Variants in PDE3A observed in about 807,000 individuals in gnomAD.
PDE3A encodes cGMP-inhibited 3',5'-cyclic phosphodiesterase 3A.
Under a neutral mutation model 98.3 loss-of-function variants are expected in PDE3A, and 43 were observed. The observed-to-expected ratio is 0.44, with a 90% CI of 0.34 to 0.56. The LOEUF is 0.56. PDE3A is among the 20% of genes least tolerant of loss of function. The pLI is 0.01. For missense variants in PDE3A, 1,427 were observed against 1,440.7 expected (o/e 0.99, Z 0.15); for synonymous variants, 663 against 567.9 (o/e 1.17, Z -2.38).
chr12:20,536,228 G>C (rs1239175776), intron 1 of PDE3A, among the ~76,000 whole-genome samples: 1 of 152,026 alleles, frequency 6.6e-6, no homozygotes, highest in Admixed American at 6.5e-5. Flanking sequence ...AAAGAAGTTA[G>C]TTATAATTCC....
chr12:20,501,543 T>G (rs2121084210), intron 1 of PDE3A, among the ~76,000 whole-genome samples: 1 of 152,294 alleles, frequency 6.6e-6, no homozygotes, highest in South Asian at 2.1e-4. Context: ...GGAGTAAAAC[T>G]TTCTATTTAC....
chr12:20,441,724 T>C (rs188854125), intron 1 of PDE3A, among the ~76,000 whole-genome samples: 1 of 152,256 alleles, frequency 6.6e-6, no homozygotes, highest in East Asian at 1.9e-4. Context: ...TCACAGGATG[T>C]TTTTGAGCAG....
intron 1 of PDE3A, among the ~76,000 whole-genome samples, chr12:20,475,723 A>C (rs780996244): frequency 6.6e-6 from 1 of 151,944 alleles, no homozygotes; most frequent in Admixed American, 6.6e-5. Context: ...CACCATACAC[A>C]CACACACACA....
intron 15 of PDE3A, among the ~76,000 whole-genome samples, chr12:20,678,095 A>T (rs1194358759): frequency 6.6e-6 from 1 of 152,076 alleles, no homozygotes; most frequent in Non-Finnish European, 1.5e-5. Flanking sequence ...CCATCACATG[A>T]TTTCCAGGCA....
rs1378401948 is a variant in PDE3A at position 20,369,855 on chromosome 12, G to T, written c.571G>T (p.Ala191Ser). 5 of 1,612,276 alleles carry T rather than the reference G, an allele frequency of 3.1e-6. No homozygotes were observed. The Admixed American group carries it at 6.7e-5, about 22-fold the overall frequency. Residue 191 changes from alanine (A) to serine (S), a missense_variant, in exon 1 of 16, where the codon GCG (alanine) becomes TCG (serine). Ala to Ser is a moderately conservative substitution (Grantham distance 99). Around this residue, in one of 3 missense-constraint regions of PDE3A, gnomAD observed 1,012 missense variants for 886.5 expected, o/e 1.14. Coordinates refer to ENST00000359062, the MANE Select transcript of PDE3A (RefSeq NM_000921.5). ...GEDHLLSLPA[A>S]GVVLSCLAAA... ...GGATCACTTACTCTCACTCCCCGCC[G>T]CGGGGGTGGTGCTCAGCTGCTTGGC...
chr12:20,445,944 C>A (rs1944945959), intron 1 of PDE3A, among the ~76,000 whole-genome samples: 1 of 152,116 alleles, frequency 6.6e-6, no homozygotes, highest in Non-Finnish European at 1.5e-5. Flanking sequence ...ATGACTGACT[C>A]CTTCCTTTCA....
chr12:20,561,011 C>A (rs1942502757), intron 2 of PDE3A, among the ~76,000 whole-genome samples: 1 of 140,886 alleles, frequency 7.1e-6, no homozygotes, highest in Non-Finnish European at 1.5e-5. Flanking sequence ...GCTTGTAATC[C>A]CGGCACTTTG....
chr12:20,659,402 C>A (rs1457836309), intron 15 of PDE3A, among the ~76,000 whole-genome samples: 1 of 152,086 alleles, frequency 6.6e-6, no homozygotes, highest in East Asian at 1.9e-4. Context: ...AGATGACCTC[C>A]AAGTTTCTTT....
rs1555140934 is a variant in PDE3A at position 20,386,088 on chromosome 12, T to TATAAATATATAAATATATAA, written c.960+15845_960+15846insTAAATATATAAATATATAAA. Among the ~76,000 whole-genome samples the TATAAATATATAAATATATAA allele has an allele frequency of 4.7e-4, 16 of 33,754 alleles. 2 individuals carry two copies. The highest frequency in any genetic ancestry group is 2.1e-3 in the Admixed American group (3 of 1,460). 22.1% of individuals were successfully genotyped at this position (33,754 alleles called of 152,430 possible). A position where few individuals can be genotyped will look rare whatever the true frequency, so the allele number is the denominator to read the frequency against. ...TATATATAAAATATATATAAATATA[T>TATAAATATATAAATATATAA]AAATATATATAAATATATATATAAA... On this transcript the variant is annotated intron_variant, in intron 1 of 15. Coordinates refer to ENST00000359062, the MANE Select transcript of PDE3A (RefSeq NM_000921.5).
intron 15 of PDE3A, among the ~76,000 whole-genome samples, chr12:20,678,769 C>G (rs1463842513): frequency 6.6e-6 from 1 of 152,180 alleles, no homozygotes; most frequent in Non-Finnish European, 1.5e-5. Flanking sequence ...AGAAATATCT[C>G]AGGGGAGGAC....
At chr12:20,574,804 TC>T (rs1318423245) in intron 2 of PDE3A, among the ~76,000 whole-genome samples, 2 of 151,990 alleles carry the variant, frequency 1.3e-5, no homozygotes, top group Non-Finnish European at 2.9e-5. Context: ...ATATGTAGCA[TC>T]TTCTAATCTT....
chr12:20,433,077 C>A (rs1326430678), intron 1 of PDE3A, among the ~76,000 whole-genome samples: 1 of 152,108 alleles, frequency 6.6e-6, no homozygotes, highest in Non-Finnish European at 1.5e-5. Flanking sequence ...TCAACTATAA[C>A]AATGAATAGA....
chr12:20,521,504 T>C (rs1194459595), intron 1 of PDE3A, among the ~76,000 whole-genome samples: 2 of 152,178 alleles, frequency 1.3e-5, no homozygotes, highest in African/African-American at 4.8e-5. Flanking sequence ...TAGTGATTGG[T>C]AATGCCCAGA....
intron 2 of PDE3A, among the ~76,000 whole-genome samples, chr12:20,612,551 C>T (rs112137736): frequency 0.066 from 8,953 of 136,348 alleles, 658 homozygotes; most frequent in East Asian, 0.17. Flanking sequence ...TTCTTTTAAT[C>T]GTACAACTTT....
chr12:20,552,700 G>T lies in PDE3A; in HGVS notation c.961-3960G>T. 6.2e-7 allele frequency: 1 copy of T among 1,614,020 alleles called. No individual in the cohort carries two copies. The highest frequency in any genetic ancestry group is 2.2e-5 in the East Asian group (1 of 44,866). On this transcript the variant is annotated intron_variant, in intron 1 of 15. Transcript: ENST00000359062. This position sits in a 1 kb window ranked among gnomAD's most constrained non-coding sequence, Gnocchi z 5.1. ...CCTCATCAGAGAGGACAAGAGCAAC[G>T]CCAAGCTGTGGAATGAGGTCCTGGC...
chr12:20,600,706 G>A lies in PDE3A; in HGVS notation c.1012-12737G>A, dbSNP rs7970528. The stretch of plus-strand genomic sequence containing the variant: ...ATTACTTCTCCTTGGCATTTTCACT[G>A]TTTTCTGGACAGTGCTTATTCCAGA... On this transcript the variant is annotated intron_variant, in intron 2 of 15. Transcript: ENST00000359062. 7.4e-4 allele frequency among the ~76,000 whole-genome samples: 112 copies of A among 152,202 alleles called. 1 individual carries two copies. The highest frequency in any genetic ancestry group is 2.5e-3 in the African/African-American group (105 of 41,528).
At chr12:20,609,359 A>C (rs1045233708) in intron 2 of PDE3A, among the ~76,000 whole-genome samples, 12 of 152,176 alleles carry the variant, frequency 7.9e-5, no homozygotes, top group African/African-American at 2.9e-4. Flanking sequence ...TTAACCAAGG[A>C]GGTAAAAGAT....
At position 20,369,912 on chromosome 12, in the gene PDE3A, C is replaced by T; in HGVS notation, c.628C>T (p.Leu210=). The T allele has an allele frequency of 6.2e-7, 1 of 1,613,452 alleles. No homozygotes were observed. The highest frequency in any genetic ancestry group is 1.1e-5 in the South Asian group (1 of 91,080). ...AATWLVLRLR[L]GVLMIALTSA... ...GACATGGCTGGTGCTGAGGCTGAGG[C>T]TGGGCGTCCTCATGATCGCCTTGAC... Residue 210 remains leucine, a synonymous_variant, in exon 1 of 16, where the codon CTG becomes TTG. Coordinates refer to ENST00000359062, the MANE Select transcript of PDE3A (RefSeq NM_000921.5).
intron 15 of PDE3A, among the ~76,000 whole-genome samples, chr12:20,673,863 A>T (rs1037572594): frequency 6.6e-6 from 1 of 150,474 alleles, no homozygotes; most frequent in African/African-American, 2.5e-5. Context: ...ATAAAAATAA[A>T]AAAAATAAAA....
Sources: allele counts gnomAD v4.1 joint callset (sites outside exome capture counted in the v4.1 genomes callset), GRCh38; gene constraint gnomAD v4.1.1; regional missense constraint gnomAD v4.1.1; non-coding constraint Gnocchi (gnomAD v3.1); transcripts MANE v1.5; gene names NCBI Gene and HGNC (gene_info 2026-07-23, HGNC 2026-07-21).